JCAD: variants seen among roughly 807,000 people sequenced by gnomAD.
JCAD encodes junctional cadherin 5-associated protein.
A neutral mutation model predicts 98.0 loss-of-function variants in JCAD; 40 were observed. The ratio of observed to expected loss-of-function variants is 0.41; its 90% confidence interval spans 0.32 to 0.53. The LOEUF (loss-of-function observed/expected upper bound fraction) is 0.53. Among genes scored for constraint, JCAD ranks in the 20% least tolerant of loss-of-function variants. The pLI is 0.31. For synonymous variants in JCAD, 691 were observed against 682.3 expected (o/e 1.01, Z -0.20); for missense variants, 1,705 against 1,738.1 (o/e 0.98, Z 0.34).
At chr10:30,067,943 C>T (rs1837814182) in intron 2 of JCAD, among the ~76,000 whole-genome samples, 1 of 152,124 alleles carries the variant, frequency 6.6e-6, no homozygotes, top group Non-Finnish European at 1.5e-5. Context: ...ATCCTGCAGG[C>T]AATTGTAACA....
chr10:30,026,393 C>G lies in JCAD; in HGVS notation c.3755G>C (p.Arg1252Thr), dbSNP rs1392050516. Reference sequence around the variant, plus strand: ...CATCAGGCGGTCAGGGTCTGCTCTCCTAGGCGGGGAGGCCAGTTTCTCTTG... The same window carrying G: ...CATCAGGCGGTCAGGGTCTGCTCTCGTAGGCGGGGAGGCCAGTTTCTCTTG... ...SLQEKLASPP[R>T]RADPDRLMRM... is the part of the protein sequence containing the mutation. Residue 1252 changes from arginine to threonine, a missense_variant, in exon 3 of 4, where the codon AGG (arginine) becomes ACG (threonine). Transcript: ENST00000375377. 13 of 1,614,104 alleles carry G rather than the reference C, an allele frequency of 8.1e-6. No homozygotes were observed. In the African/African-American group the frequency reaches 1.5e-4, roughly 18 times the overall value.
At chr10:30,057,573 C>T (rs964027153) in intron 1 of JCAD, among the ~76,000 whole-genome samples, 4 of 152,164 alleles carry the variant, frequency 2.6e-5, no homozygotes, top group African/African-American at 4.8e-5. Context: ...CTTTTTTCCC[C>T]GAAACAGGCT....
At chr10:30,055,378 A>T (rs1433716752) in intron 1 of JCAD, among the ~76,000 whole-genome samples, 2 of 152,260 alleles carry the variant, frequency 1.3e-5, no homozygotes, top group East Asian at 3.8e-4. Flanking sequence ...TTTAAACAAG[A>T]GGTAAATCAC....
intron 1 of JCAD, among the ~76,000 whole-genome samples, chr10:30,054,076 G>A (rs1256824604): frequency 6.6e-6 from 1 of 152,128 alleles, no homozygotes. Context: ...AAATTCTGGT[G>A]CATCCATATA....
At chr10:30,104,610 TG>T (rs1838535131) in intron 1 of JCAD, among the ~76,000 whole-genome samples, 2 of 152,168 alleles carry the variant, frequency 1.3e-5, no homozygotes, top group Admixed American at 1.3e-4. Context: ...AACAGCTACC[TG>T]TTGGGTACTA....
rs777765976 is a variant in JCAD at position 30,017,866 on chromosome 10, G to C, written c.*17C>G. The stretch of plus-strand genomic sequence containing the variant: ...ATACTCAATTCGCAACGGAATGCAA[G>C]CTCCACCGGCATTTCATCACACCCT... On this transcript the variant is annotated 3_prime_UTR_variant, in exon 4 of 4. Transcript: ENST00000375377. 6 of 1,610,040 alleles carry C rather than the reference G, an allele frequency of 3.7e-6. No homozygotes were observed. The highest frequency in any genetic ancestry group is 5.1e-6 in the Non-Finnish European group (6 of 1,176,614).
At chr10:30,048,539 C>T (rs1837404152) in intron 1 of JCAD, among the ~76,000 whole-genome samples, 20 of 152,084 alleles carry the variant, frequency 1.3e-4, no homozygotes, top group Admixed American at 1.3e-3. Context: ...ATTCACTACA[C>T]AAGCCCAGAG....
intron 1 of JCAD, among the ~76,000 whole-genome samples, chr10:30,098,985 C>T (rs547877072): frequency 6.6e-6 from 1 of 152,280 alleles, no homozygotes; most frequent in South Asian, 2.1e-4. Context: ...CTCTGAGCTC[C>T]TTATTTACTT....
intron 1 of JCAD, among the ~76,000 whole-genome samples, chr10:30,103,613 TACACAC>T (rs5784175): frequency 5.1e-5 from 5 of 97,582 alleles, no homozygotes; most frequent in South Asian, 2.6e-4. Flanking sequence ...TATGTATAAA[TACACAC>T]ACACACACAC....
chr10:30,087,229 G>C (rs1838180973), intron 1 of JCAD, among the ~76,000 whole-genome samples: 1 of 152,082 alleles, frequency 6.6e-6, no homozygotes, highest in Admixed American at 6.6e-5. Context: ...GATCACCTAA[G>C]GTCAGCTCAA....
intron 1 of JCAD, among the ~76,000 whole-genome samples, chr10:30,104,567 C>A (rs552820543): frequency 1.3e-5 from 2 of 152,194 alleles, no homozygotes; most frequent in South Asian, 2.1e-4. Flanking sequence ...CACTGGGGAC[C>A]ACTAGAGCGT....
In JCAD at chr10:30,028,926, G is replaced by A; in HGVS notation, c.1222C>T (p.Pro408Ser). ...GVSPRLPQGL[P>S]AHPRPVTAYD... is the part of the protein sequence containing the mutation. ...GCAGTGACAGGTCGGGGATGTGCGG[G>A]GAGCCCCTGAGGCAAGCGGGGGCTC... is the stretch of plus-strand genomic sequence containing the variant. Residue 408 changes from proline (P) to serine (S), a missense_variant, in exon 3 of 4, where the codon CCC becomes TCC. Physicochemically the swap from Pro to Ser is moderately conservative, Grantham distance 74. Around this residue, in one of 3 missense-constraint regions of JCAD, gnomAD observed 1,278 missense variants for 1,243.1 expected, o/e 1.03. Coordinates refer to ENST00000375377, the MANE Select transcript of JCAD (RefSeq NM_020848.4). 6.2e-7 allele frequency: 1 copy of A among 1,614,106 alleles called. No individual in the cohort carries two copies. The highest frequency in any genetic ancestry group is 8.5e-7 in the Non-Finnish European group (1 of 1,180,002).
intron 2 of JCAD, among the ~76,000 whole-genome samples, chr10:30,044,487 T>A (rs943509328): frequency 3.3e-5 from 5 of 152,056 alleles, no homozygotes; most frequent in African/African-American, 1.2e-4. Context: ...CGCTGATGGC[T>A]TCAAGTTGGA....
intron 3 of JCAD, among the ~76,000 whole-genome samples, chr10:30,023,591 G>A (rs927777449): frequency 6.6e-6 from 1 of 152,108 alleles, no homozygotes; most frequent in African/African-American, 2.4e-5. Flanking sequence ...ACGCATGACT[G>A]TACTTGAAAA....
chr10:30,067,321 T>C (rs1837801354), intron 2 of JCAD, among the ~76,000 whole-genome samples: 1 of 151,680 alleles, frequency 6.6e-6, no homozygotes, highest in East Asian at 1.9e-4. Flanking sequence ...GAACTACCTT[T>C]TTTCTGTTTT....
In JCAD at chr10:30,016,999, C is replaced by A. The variant is rs1443447985; in HGVS notation, c.*884G>T. 1 of 152,164 alleles carries A rather than the reference C, an allele frequency of 6.6e-6. No individual in the cohort carries two copies. The highest frequency in any genetic ancestry group is 2.4e-5 in the African/African-American group (1 of 41,448). 9.4% of individuals were successfully genotyped at this position (152,164 alleles called of 1,614,324 possible). ...CCTCTCACACAAAGGGATACAGACT[C>A]TTAAATAAAATAATACTTCCTTAAA... On this transcript the variant is annotated 3_prime_UTR_variant, in exon 4 of 4. Transcript: ENST00000375377.
intron 1 of JCAD, among the ~76,000 whole-genome samples, chr10:30,092,064 A>AATATATATATATATATATATAT (rs1272095459): frequency 1.6e-4 from 3 of 19,028 alleles, no homozygotes; most frequent in African/African-American, 6.7e-4. Flanking sequence ...AAAAAAAAAA[A>AATATATATATATATATATATAT]ATATATATAT....
intron 1 of JCAD, among the ~76,000 whole-genome samples, chr10:30,089,288 C>T (rs891773644): frequency 2.6e-5 from 4 of 152,058 alleles, no homozygotes; most frequent in African/African-American, 9.7e-5. Context: ...TTCTACCTGG[C>T]GAGTGCAACG....
Position 30,026,774 on chromosome 10 carries a change from T to TG in JCAD, c.3373dup (p.Gln1125ProfsTer19), listed in dbSNP as rs886043177. The TG allele has an allele frequency of 6.2e-7, 1 of 1,614,036 alleles. No individual in the cohort carries two copies. Among genetic ancestry groups the TG allele is most frequent in the Non-Finnish European group, 8.5e-7 (1 of 1,180,036 alleles). ...TGCTGGGCGAGATAGCAACTCTTCCTGGGGGGACTCTGGGGTGCAGGCACT... is the reference window on the plus strand; with the variant it reads ...TGCTGGGCGAGATAGCAACTCTTCCTGGGGGGGACTCTGGGGTGCAGGCACT... On this transcript the variant is annotated frameshift_variant, in exon 3 of 4. Coordinates refer to ENST00000375377, the MANE Select transcript of JCAD (RefSeq NM_020848.4). LOFTEE classifies it high-confidence loss of function.
Sources: allele counts gnomAD v4.1 joint callset (sites outside exome capture counted in the v4.1 genomes callset), GRCh38; gene constraint gnomAD v4.1.1; regional missense constraint gnomAD v4.1.1; transcripts MANE v1.5; gene names NCBI Gene and HGNC (gene_info 2026-07-23, HGNC 2026-07-21).